The following MEGF10 variants were observed in gnomAD, a reference collection of about 807,000 sequenced individuals.
MEGF10 encodes multiple EGF like domains 10, also known as multiple epidermal growth factor-like domains protein 10.
MEGF10 carries 86 observed loss-of-function variants against 147.5 expected under a neutral mutation model. The observed-to-expected ratio is 0.58, with a 90% confidence interval of 0.49 to 0.70. The LOEUF is 0.70. MEGF10 is among the 30% of genes least tolerant of loss of function. The pLI, the probability that MEGF10 is intolerant of heterozygous loss-of-function variation, is 0.00. For synonymous variants in MEGF10, 478 were observed against 525.5 expected (o/e 0.91, Z 1.24); for missense variants, 1,329 against 1,487.3 (o/e 0.89, Z 1.75).
chr5:127,253,681 T>C, the MEGF10 span, among the ~76,000 whole-genome samples: 5 of 151,996 alleles, frequency 3.3e-5, no homozygotes, highest in Admixed American at 1.3e-4. Context: ...CATATGTATA[T>C]AATGGAAAAG....
chr5:127,304,789 C>T (rs1297085140), intron 1 of MEGF10, among the ~76,000 whole-genome samples: 1 of 152,018 alleles, frequency 6.6e-6, no homozygotes, highest in Non-Finnish European at 1.5e-5. Context: ...TCCACTGCAA[C>T]TGGCCTGGAG....
intron 4 of MEGF10, among the ~76,000 whole-genome samples, chr5:127,366,901 C>T (rs966545189): frequency 2.0e-5 from 3 of 152,106 alleles, no homozygotes; most frequent in African/African-American, 7.2e-5. Context: ...ATAAAAGCAA[C>T]AAAAAACCAA....
At chr5:127,421,938 G>T (rs1324452494) in intron 12 of MEGF10, among the ~76,000 whole-genome samples, 2 of 139,550 alleles carry the variant, frequency 1.4e-5, no homozygotes, top group African/African-American at 5.4e-5. Context: ...GCAGTGAGCC[G>T]AGATAGCGCC....
chr5:127,359,696 C>G (rs1762407425), intron 4 of MEGF10, among the ~76,000 whole-genome samples: 1 of 152,086 alleles, frequency 6.6e-6, no homozygotes, highest in Non-Finnish European at 1.5e-5. Context: ...TGACATTGCC[C>G]TATGCACTGT....
chr5:127,247,323 GAA>G, the MEGF10 span, among the ~76,000 whole-genome samples: 1 of 7,390 alleles, frequency 1.4e-4, no homozygotes, highest in South Asian at 4.7e-3. Flanking sequence ...AGAGAGAGAA[GAA>G]GAAGAAGAAG....
At chr5:127,386,367 T>C (rs1272397878) in intron 5 of MEGF10, among the ~76,000 whole-genome samples, 1 of 152,242 alleles carries the variant, frequency 6.6e-6, no homozygotes, top group Non-Finnish European at 1.5e-5. Flanking sequence ...AATTTGGCAA[T>C]GCTGTCCAGA....
intron 21 of MEGF10, among the ~76,000 whole-genome samples, chr5:127,448,077 G>A (rs550998914): frequency 1.4e-4 from 21 of 152,170 alleles, no homozygotes; most frequent in African/African-American, 4.1e-4. Flanking sequence ...AGAATCAGCC[G>A]TGGGCAAAAT....
At chr5:127,415,072 GAA>G (rs33913196) in intron 9 of MEGF10, among the ~76,000 whole-genome samples, 2,797 of 145,190 alleles carry the variant, frequency 0.019, 53 homozygotes, top group South Asian at 0.081. Context: ...CCCCTAAATT[GAA>G]AAAAAAAAAT....
At chr5:127,370,646 C>A (rs557333870) in intron 5 of MEGF10, among the ~76,000 whole-genome samples, 41 of 152,222 alleles carry the variant, frequency 2.7e-4, no homozygotes, top group Admixed American at 9.2e-4. Context: ...GGACTAAAAG[C>A]AGTCTACACG....
rs794726677 is a variant in MEGF10 at position 127,420,176 on chromosome 5, G to A, written c.1559G>A (p.Trp520Ter). 1.9e-6 allele frequency: 3 copies of A among 1,614,062 alleles called. No homozygotes were observed. The highest frequency in any genetic ancestry group is 2.5e-6 in the Non-Finnish European group (3 of 1,180,038). Residue 520 changes from tryptophan (W) to a stop codon, truncating the protein, a stop_gained, in exon 12 of 25, where the codon TGG becomes TAG. Coordinates refer to ENST00000503335, the MANE Select transcript of MEGF10 (RefSeq NM_001256545.2). LOFTEE classifies it high-confidence loss of function. ...LDGTCTCAPGWRGEKCELPCQ... is the reference protein window; with the variant it reads ...LDGTCTCAPG ...GGGACCTGCACGTGTGCACCTGGAT[G>A]GCGCGGGGAGAAATGCGAACTTCCC...
Position 127,418,697 on chromosome 5 carries a change from A to G in MEGF10, c.1306-423A>G, listed in dbSNP as rs377451945. ...TTGCTTTGCTTTACCTACTAAAAAT[A>G]TTACATATCATACAAGGATATCTAG... On this transcript the variant is annotated intron_variant, in intron 10 of 24. Transcript: ENST00000503335. Among the ~76,000 whole-genome samples the G allele has an allele frequency of 2.6e-5, 4 of 152,236 alleles. No individual in the cohort carries two copies. The East Asian group carries it at 5.8e-4, about 22-fold the overall frequency.
At chr5:127,353,173 A>G (rs1699265978) in intron 4 of MEGF10, among the ~76,000 whole-genome samples, 1 of 152,310 alleles carries the variant, frequency 6.6e-6, no homozygotes, top group South Asian at 2.1e-4. Context: ...CCAAACTGAT[A>G]TGTGAATGGC....
the MEGF10 span, among the ~76,000 whole-genome samples, chr5:127,250,046 T>C: frequency 6.6e-6 from 1 of 152,150 alleles, no homozygotes; most frequent in African/African-American, 2.4e-5. Context: ...CTCTTAATAC[T>C]ATTAAAATGG....
intron 2 of MEGF10, among the ~76,000 whole-genome samples, chr5:127,334,167 A>G (rs1454525365): frequency 1.3e-5 from 2 of 152,156 alleles, no homozygotes; most frequent in Non-Finnish European, 2.9e-5. Context: ...TCAAAAATGT[A>G]AATGGGCTTG....
chr5:127,278,481 C>A, the MEGF10 span, among the ~76,000 whole-genome samples: 1 of 152,084 alleles, frequency 6.6e-6, no homozygotes, highest in African/African-American at 2.4e-5. Context: ...GGAGGAGAAC[C>A]AAACAGAGTT....
At chr5:127,240,095 G>A in the MEGF10 span, among the ~76,000 whole-genome samples, 4 of 152,184 alleles carry the variant, frequency 2.6e-5, no homozygotes, top group African/African-American at 7.2e-5. Flanking sequence ...CTTTCCCTGG[G>A]TTCTGGCCTC....
chr5:127,424,229 C>A, intron 13 of MEGF10: 1 of 644,044 alleles, frequency 1.6e-6, no homozygotes, highest in South Asian at 1.8e-5. Flanking sequence ...TTTCATTTGT[C>A]TATATATCTC....
At chr5:127,393,083 T>G (rs1334695250) in intron 5 of MEGF10, among the ~76,000 whole-genome samples, 3 of 152,230 alleles carry the variant, frequency 2.0e-5, no homozygotes, top group Non-Finnish European at 4.4e-5. Flanking sequence ...TTTTTAAAAA[T>G]TAGGATACTC....
chr5:127,290,352 A>C (rs1363387), upstream of MEGF10, among the ~76,000 whole-genome samples: 59,331 of 151,656 alleles, frequency 0.39, 12,072 homozygotes, highest in Middle Eastern at 0.56. Context: ...CCCTGACACC[A>C]CTGAGGACCC....
Sources: allele counts gnomAD v4.1 joint callset (sites outside exome capture counted in the v4.1 genomes callset), GRCh38; gene constraint gnomAD v4.1.1; transcripts MANE v1.5; gene names NCBI Gene and HGNC (gene_info 2026-07-23, HGNC 2026-07-21).